The following ZEB2 variants were observed in gnomAD, a reference collection of about 807,000 sequenced individuals.
ZEB2 encodes zinc finger E-box binding homeobox 2.
Under a neutral mutation model 99.9 loss-of-function variants are expected in ZEB2, and 6 were observed. That is an observed-to-expected ratio of 0.06 (90% confidence interval 0.03 to 0.12). The LOEUF (loss-of-function observed/expected upper bound fraction) is 0.12, where lower values mean the gene tolerates loss of function less well. Ranked by LOEUF, ZEB2 falls within the 10% of genes least tolerant of loss-of-function variation. The probability of loss-of-function intolerance (pLI) is 1.00; values close to 1 mark genes in which losing one functional copy is unlikely to be tolerated. For synonymous variants in ZEB2, 517 were observed against 542.5 expected (o/e 0.95, Z 0.65); for missense variants, 969 against 1,502.8 (o/e 0.64, Z 5.87).
Position 144,389,283 on chromosome 2 carries a change from G to C in ZEB2, c.*168C>G. On this transcript the variant is annotated 3_prime_UTR_variant, in exon 10 of 10. Transcript: ENST00000627532. This position sits in a 1 kb window ranked among gnomAD's most constrained non-coding sequence, Gnocchi z 6.8. Reference sequence around the variant, plus strand: ...ATAATGCAGTTTTTAACAATACCCAGCTCCAACTCCGTCTACATCTGTCTT... The same window carrying C: ...ATAATGCAGTTTTTAACAATACCCACCTCCAACTCCGTCTACATCTGTCTT... 1 of 787,234 alleles carries C rather than the reference G, an allele frequency of 1.3e-6. No individual in the cohort carries two copies. The highest frequency in any genetic ancestry group is 2.1e-6 in the Non-Finnish European group (1 of 482,324). The allele number at this position is 787,234 out of a possible 1,614,324, so 48.8% of individuals were successfully genotyped here. A position where few individuals can be genotyped will look rare whatever the true frequency, so the allele number is the denominator to read the frequency against.
intron 2 of ZEB2, among the ~76,000 whole-genome samples, chr2:144,438,873 A>C (rs1343970319): frequency 6.6e-6 from 1 of 152,144 alleles, no homozygotes; most frequent in African/African-American, 2.4e-5. Flanking sequence ...CCCTGTTTTC[A>C]AAACAGCATC....
intron 3 of ZEB2, among the ~76,000 whole-genome samples, chr2:144,426,229 C>T (rs1040592648): frequency 6.6e-6 from 1 of 152,104 alleles, no homozygotes; most frequent in Non-Finnish European, 1.5e-5. Context: ...AGACATTTTA[C>T]ATTAAACATT....
In ZEB2 at chr2:144,403,823, G is replaced by T; in HGVS notation, c.807+93C>A. On this transcript the variant is annotated intron_variant, in intron 6 of 9. Transcript: ENST00000627532. ...ATTAAAAGATCTGCATCTTCAAAATGCCATGAAAAATTAATAATGATTGCC... is the reference window on the plus strand; with the variant it reads ...ATTAAAAGATCTGCATCTTCAAAATTCCATGAAAAATTAATAATGATTGCC... The T allele has an allele frequency of 4.6e-6, 7 of 1,519,088 alleles. No individual in the cohort carries two copies. In the Middle Eastern group the frequency reaches 5.3e-4, roughly 115 times the overall value. The allele number at this position is 1,519,088 out of a possible 1,614,324, so 94.1% of individuals were successfully genotyped here. A position where few individuals can be genotyped will look rare whatever the true frequency, so the allele number is the denominator to read the frequency against.
At chr2:144,402,662 C>T (rs1259071114) in intron 6 of ZEB2, among the ~76,000 whole-genome samples, 1 of 152,242 alleles carries the variant, frequency 6.6e-6, no homozygotes, top group Non-Finnish European at 1.5e-5. Flanking sequence ...CACAATCACA[C>T]TTCTGCATGT....
At chr2:144,474,861 A>C (rs1704409603) in intron 2 of ZEB2, among the ~76,000 whole-genome samples, 1 of 152,210 alleles carries the variant, frequency 6.6e-6, no homozygotes, top group Non-Finnish European at 1.5e-5. Flanking sequence ...GTAAGGGTTT[A>C]TTAACTTGAT....
chr2:144,401,457 A>C, intron 6 of ZEB2, 150 bp from the exon 7 acceptor site: 1 of 743,042 alleles, frequency 1.3e-6, no homozygotes, highest in Non-Finnish European at 2.3e-6. Flanking sequence ...GAGTTGCAAT[A>C]AAAGTGATAA....
chr2:144,403,533 T>A (rs1703340536), intron 6 of ZEB2, among the ~76,000 whole-genome samples: 1 of 152,140 alleles, frequency 6.6e-6, no homozygotes, highest in Admixed American at 6.5e-5. Context: ...ATGACTTAGA[T>A]CCTATATGAA....
chr2:144,485,598 C>T (rs1041868720), intron 2 of ZEB2, among the ~76,000 whole-genome samples: 2 of 151,962 alleles, frequency 1.3e-5, no homozygotes, highest in Admixed American at 1.3e-4. Flanking sequence ...TCTAATGCTG[C>T]CTTCTCTCTT....
At position 144,403,968 on chromosome 2, in the gene ZEB2, T is replaced by C; in HGVS notation, c.755A>G (p.Tyr252Cys). The C allele has an allele frequency of 6.2e-7, 1 of 1,614,138 alleles. No individual in the cohort carries two copies. Among genetic ancestry groups the C allele is most frequent in the Non-Finnish European group, 8.5e-7 (1 of 1,180,022 alleles). The change falls in exon 6 of 10, where the codon TAC becomes TGC. Residue 252 changes from tyrosine to cysteine, a missense_variant. This residue lies in a region of ZEB2 where 65 missense variants were observed against 147.7 expected (regional missense o/e 0.44). Coordinates refer to ENST00000627532, the MANE Select transcript of ZEB2 (RefSeq NM_014795.4). ...SCPLCSYTFA[Y>C]RTQLERHMVT... ...CATATGCCGCTCGAGCTGGGTGCGGTAGGCAAACGTGTAGCTACAGAGAGG... is the reference window on the plus strand; with the variant it reads ...CATATGCCGCTCGAGCTGGGTGCGGCAGGCAAACGTGTAGCTACAGAGAGG...
In ZEB2 at chr2:144,511,730, T is replaced by A. The variant is rs766304909; in HGVS notation, c.73+5548A>T. 4.7e-6 allele frequency: 6 copies of A among 1,286,080 alleles called. No individual in the cohort carries two copies. In the Admixed American group the frequency reaches 1.4e-4, roughly 30 times the overall value. 79.7% of individuals were successfully genotyped at this position (1,286,080 alleles called of 1,614,324 possible). Reference sequence around the variant, plus strand: ...AACATACAAATAATGAGGAGGTGCCTGGATGTTTCAAGGCTTAAAAATGAA... The same window carrying A: ...AACATACAAATAATGAGGAGGTGCCAGGATGTTTCAAGGCTTAAAAATGAA... On this transcript the variant is annotated intron_variant, in intron 2 of 9. Coordinates refer to ENST00000627532, the MANE Select transcript of ZEB2 (RefSeq NM_014795.4).
chr2:144,423,095 G>C (rs1703641702), intron 4 of ZEB2, among the ~76,000 whole-genome samples: 1 of 152,244 alleles, frequency 6.6e-6, no homozygotes, highest in East Asian at 1.9e-4. Context: ...TGAGAAAAAA[G>C]GGGTGTTTAA....
intron 2 of ZEB2, chr2:144,430,404 G>A (rs1573744390): frequency 3.4e-6 from 1 of 289,936 alleles, no homozygotes; most frequent in East Asian, 9.5e-5. Flanking sequence ...GAGACATGAA[G>A]TATTTACTAT....
intron 2 of ZEB2, among the ~76,000 whole-genome samples, chr2:144,437,711 C>A (rs1353177715): frequency 6.6e-6 from 1 of 151,686 alleles, no homozygotes; most frequent in South Asian, 2.1e-4. Flanking sequence ...AGTAATAAGA[C>A]CTTGGAAATA....
chr2:144,465,513 C>T (rs1325942044), intron 2 of ZEB2, among the ~76,000 whole-genome samples: 1 of 152,140 alleles, frequency 6.6e-6, no homozygotes, highest in Non-Finnish European at 1.5e-5. Flanking sequence ...CCCAAGAGCG[C>T]TATCCAATCA....
chr2:144,394,696 G>T (rs995596884), intron 9 of ZEB2, among the ~76,000 whole-genome samples: 1 of 152,102 alleles, frequency 6.6e-6, no homozygotes, highest in Admixed American at 6.5e-5. Flanking sequence ...TGTCTTTAAG[G>T]TATCATTAAA....
chr2:144,405,136 C>G, intron 4 of ZEB2, 112 bp from the exon 5 acceptor site: 1 of 1,146,130 alleles, frequency 8.7e-7, no homozygotes, highest in Non-Finnish European at 1.3e-6. Context: ...ACTACAAAAC[C>G]TAGTTTATTT....
At chr2:144,488,028 C>T (rs1048573469) in intron 2 of ZEB2, among the ~76,000 whole-genome samples, 5 of 152,130 alleles carry the variant, frequency 3.3e-5, no homozygotes, top group African/African-American at 1.2e-4. Context: ...TCTCCATGAA[C>T]GGGTGGGAGA....
chr2:144,434,571 C>A (rs143943858), intron 2 of ZEB2, among the ~76,000 whole-genome samples: 1 of 152,132 alleles, frequency 6.6e-6, no homozygotes, highest in Non-Finnish European at 1.5e-5. Context: ...ATTCCCAGTG[C>A]AGAATGCAAT....
chr2:144,457,142 AT>A (rs551725434), intron 2 of ZEB2, among the ~76,000 whole-genome samples: 78 of 152,282 alleles, frequency 5.1e-4, no homozygotes, highest in African/African-American at 1.8e-3. Flanking sequence ...TTTCTTCTAC[AT>A]TTAAAAGGAC....
Sources: allele counts gnomAD v4.1 joint callset (sites outside exome capture counted in the v4.1 genomes callset), GRCh38; gene constraint gnomAD v4.1.1; regional missense constraint gnomAD v4.1.1; non-coding constraint Gnocchi (gnomAD v3.1); transcripts MANE v1.5; gene names NCBI Gene and HGNC (gene_info 2026-07-23, HGNC 2026-07-21).